NUDC: variants seen among roughly 807,000 people sequenced by gnomAD.
NUDC encodes nuclear distribution C, dynein complex regulator.
In NUDC, 14 loss-of-function variants were observed where a neutral mutation model predicts 45.0. The observed-to-expected ratio is 0.31, with a 90% CI of 0.21 to 0.49. NUDC has a LOEUF of 0.49. NUDC is among the 20% of genes least tolerant of loss of function. The probability of loss-of-function intolerance (pLI) is 0.99; values close to 1 mark genes in which losing one functional copy is unlikely to be tolerated. For missense variants in NUDC, 323 were observed against 426.2 expected (o/e 0.76, Z 2.13); for synonymous variants, 153 against 156.7 (o/e 0.98, Z 0.17).
intron 2 of NUDC, among the ~76,000 whole-genome samples, chr1:26,937,404 C>T (rs983477788): frequency 6.6e-6 from 1 of 152,120 alleles, no homozygotes; most frequent in African/African-American, 2.4e-5. Context: ...CTTAGCCTCC[C>T]GAGTAGCTGG....
At chr1:26,915,481 T>G (rs1350851532) in intron 3 of NUDC, among the ~76,000 whole-genome samples, 1 of 152,192 alleles carries the variant, frequency 6.6e-6, no homozygotes, top group Admixed American at 6.5e-5. Context: ...AGGCCCTTGG[T>G]TGTGTCATGT....
intron 2 of NUDC, among the ~76,000 whole-genome samples, chr1:26,907,383 C>A (rs1260902051): frequency 1.3e-5 from 2 of 152,212 alleles, no homozygotes; most frequent in Non-Finnish European, 2.9e-5. Flanking sequence ...CTGCCACAGA[C>A]AAGATGTTTC....
intron 2 of NUDC, among the ~76,000 whole-genome samples, chr1:26,935,644 A>ACC (rs2082223427): frequency 6.6e-6 from 1 of 152,040 alleles, no homozygotes; most frequent in Admixed American, 6.6e-5. Context: ...GATTATGGGA[A>ACC]CTACAATTCA....
At chr1:26,937,805 C>T (rs888527482) in intron 2 of NUDC, among the ~76,000 whole-genome samples, 1 of 151,678 alleles carries the variant, frequency 6.6e-6, no homozygotes, top group African/African-American at 2.4e-5. Context: ...GGTACCACTA[C>T]ACTCAGCTAA....
intron 1 of NUDC, among the ~76,000 whole-genome samples, chr1:26,901,485 A>G (rs887416679): frequency 4.1e-5 from 6 of 144,992 alleles, no homozygotes; most frequent in African/African-American, 1.6e-4. Flanking sequence ...GCTCACTGCA[A>G]CCTCCGCCTC....
chr1:26,924,439 A>T (rs1277525690), intron 2 of NUDC, among the ~76,000 whole-genome samples: 1 of 152,224 alleles, frequency 6.6e-6, no homozygotes, highest in Non-Finnish European at 1.5e-5. Context: ...TTTGCACCTT[A>T]TCCAAAGTCT....
upstream of NUDC, among the ~76,000 whole-genome samples, chr1:26,919,884 G>A (rs1304079302): frequency 1.3e-5 from 2 of 152,158 alleles, no homozygotes; most frequent in African/African-American, 4.8e-5. Flanking sequence ...TGTATTTGAC[G>A]CTATGAAGAC....
upstream of NUDC, among the ~76,000 whole-genome samples, chr1:26,920,520 G>T (rs2082083941): frequency 6.6e-6 from 1 of 151,770 alleles, no homozygotes; most frequent in Non-Finnish European, 1.5e-5. Flanking sequence ...ATATACTGTA[G>T]AGAGATGGGA....
chr1:26,929,515 C>T (rs1330900655), intron 2 of NUDC, among the ~76,000 whole-genome samples: 2 of 151,878 alleles, frequency 1.3e-5, no homozygotes, highest in Non-Finnish European at 2.9e-5. Flanking sequence ...TGAGAGTATG[C>T]AGGAGGATGC....
intron 3 of NUDC, chr1:26,913,731 G>A: frequency 6.2e-7 from 1 of 1,605,666 alleles, no homozygotes; most frequent in Non-Finnish European, 8.5e-7. Flanking sequence ...GCAGGTTCCT[G>A]AGGAAGGCCA....
rs775308664 is a variant in NUDC, at chr1:26,945,432, C to G, written c.784C>G (p.Pro262Ala). 1.2e-6 allele frequency: 2 copies of G among 1,603,156 alleles called. No homozygotes were observed. The highest frequency in any genetic ancestry group is 3.4e-5 in the Admixed American group (2 of 59,086). The change falls in exon 7 of 9, where the codon CCT becomes GCT. Residue 262 changes from proline to alanine, a missense_variant. By Grantham distance (27) the Pro-to-Ala change is conservative (BLOSUM62 -1). This residue lies in a region of NUDC where 54 missense variants were observed against 100.2 expected (regional missense o/e 0.54). Coordinates refer to ENST00000321265, the MANE Select transcript of NUDC (RefSeq NM_006600.4). ...GTGGAGCCGCTTGGTGTCCAGTGAC[C>G]CTGAGATCAACACCAAGAAGATTAA... is the stretch of plus-strand genomic sequence containing the variant. ...EWWSRLVSSDPEINTKKINPE... is the reference protein window; with the variant it reads ...EWWSRLVSSDAEINTKKINPE...
chr1:26,913,380 C>A (rs773392069), intron 3 of NUDC: 1 of 1,611,952 alleles, frequency 6.2e-7, no homozygotes, highest in Non-Finnish European at 8.5e-7. Flanking sequence ...TCAGCCTTGC[C>A]CCCCACCCAG....
chr1:26,910,340 A>G (rs1230420883), intron 2 of NUDC, among the ~76,000 whole-genome samples: 1 of 151,872 alleles, frequency 6.6e-6, no homozygotes, highest in Non-Finnish European at 1.5e-5. Context: ...TGTTGTTTGT[A>G]TTTGTGTGAG....
At chr1:26,915,789 T>C (rs932709793) in intron 3 of NUDC, among the ~76,000 whole-genome samples, 35 of 152,210 alleles carry the variant, frequency 2.3e-4, no homozygotes, top group African/African-American at 8.4e-4. Flanking sequence ...TCTGTGGAGC[T>C]GAGCACCAGT....
chr1:26,928,268 A>G (rs1408705374), intron 2 of NUDC, among the ~76,000 whole-genome samples: 5 of 152,208 alleles, frequency 3.3e-5, no homozygotes, highest in Admixed American at 2.6e-4. Flanking sequence ...TAAAAAAACA[A>G]AATTTGCCAT....
At chr1:26,935,513 G>A (rs976742252) in intron 2 of NUDC, among the ~76,000 whole-genome samples, 5 of 151,918 alleles carry the variant, frequency 3.3e-5, no homozygotes, top group South Asian at 2.1e-4. Flanking sequence ...AGGCAAAGGC[G>A]GAAAAGCCCC....
upstream of NUDC, among the ~76,000 whole-genome samples, chr1:26,918,304 C>T (rs1471658664): frequency 2.3e-5 from 3 of 129,068 alleles, no homozygotes; most frequent in Non-Finnish European, 4.8e-5. Flanking sequence ...TTTTTTGAGA[C>T]GGAGTCTCAC....
At chr1:26,944,805 C>T (rs2082305958) in intron 6 of NUDC, among the ~76,000 whole-genome samples, 1 of 151,550 alleles carries the variant, frequency 6.6e-6, no homozygotes, top group Non-Finnish European at 1.5e-5. Context: ...CTTTGGGAGA[C>T]TGAGGCAGGC....
At chr1:26,930,775 G>T (rs1186385854) in intron 2 of NUDC, among the ~76,000 whole-genome samples, 1 of 151,548 alleles carries the variant, frequency 6.6e-6, no homozygotes, top group Non-Finnish European at 1.5e-5. Context: ...CCAGCACTTT[G>T]GAAGGCCGAG....
Sources: gnomAD v4.1 joint callset for allele counts (sites outside exome capture counted in the v4.1 genomes callset) on GRCh38, gnomAD v4.1.1 for gene constraint, gnomAD v4.1.1 regional missense constraint, MANE v1.5 for transcripts, NCBI Gene and HGNC (gene_info 2026-07-23, HGNC 2026-07-21) for gene names.